Variants in CTNNA3 observed in about 807,000 individuals in gnomAD.
CTNNA3 encodes the protein catenin alpha-3.
A neutral mutation model predicts 95.7 loss-of-function variants in CTNNA3; 76 were observed. The observed-to-expected ratio is 0.79, with a 90% CI of 0.66 to 0.96. The LOEUF is 0.96. Ranked by LOEUF, CTNNA3 falls within the 40% of genes least tolerant of loss-of-function variation. CTNNA3 has a pLI of 0.00. For synonymous variants in CTNNA3, 431 were observed against 374.4 expected, an observed-to-expected ratio of 1.15 and a Z score of -1.74; for missense variants, 1,191 against 1,089.8, an observed-to-expected ratio of 1.09 and a Z score of -1.31.
At chr10:67,603,305 C>T (rs772280176) in intron 3 of CTNNA3, among the ~76,000 whole-genome samples, 49 of 152,298 alleles carry the variant, frequency 3.2e-4, no homozygotes, top group Non-Finnish European at 5.1e-4. Context: ...ACAACAGATG[C>T]GTACATGACG....
At chr10:67,292,594 C>T (rs1437065805) in intron 5 of CTNNA3, among the ~76,000 whole-genome samples, 2 of 152,098 alleles carry the variant, frequency 1.3e-5, no homozygotes, top group Non-Finnish European at 2.9e-5. Flanking sequence ...TAAACTCCTA[C>T]TTGGCTATTT....
chr10:66,244,401 T>C (rs1442257052), intron 13 of CTNNA3, among the ~76,000 whole-genome samples: 1 of 152,166 alleles, frequency 6.6e-6, no homozygotes, highest in African/African-American at 2.4e-5. Context: ...TGAGGGAACA[T>C]AGGCAGTAGC....
At chr10:67,749,101 A>G (rs1841388714) in intron 1 of CTNNA3, among the ~76,000 whole-genome samples, 1 of 152,242 alleles carries the variant, frequency 6.6e-6, no homozygotes, top group Non-Finnish European at 1.5e-5. Flanking sequence ...AGAAGAACTA[A>G]CAATTCTAAA....
intron 3 of CTNNA3, among the ~76,000 whole-genome samples, chr10:67,549,817 G>A (rs983025072): frequency 1.1e-4 from 17 of 152,024 alleles, no homozygotes; most frequent in African/African-American, 3.4e-4. Context: ...ATAACTTTTT[G>A]TTTATTGCTT....
chr10:65,964,908 T>G (rs2077924775), intron 17 of CTNNA3, among the ~76,000 whole-genome samples: 1 of 152,128 alleles, frequency 6.6e-6, no homozygotes, highest in South Asian at 2.1e-4. Context: ...GCTGTGTGTA[T>G]CTATATAAAT....
intron 5 of CTNNA3, among the ~76,000 whole-genome samples, chr10:67,470,355 G>A (rs1458049316): frequency 6.6e-6 from 1 of 152,100 alleles, no homozygotes. Flanking sequence ...TCTGTTGATG[G>A]ACACTTAGGC....
At chr10:66,226,884 CTAAT>C in intron 13 of CTNNA3, among the ~76,000 whole-genome samples, 1 of 151,990 alleles carries the variant, frequency 6.6e-6, no homozygotes, top group African/African-American at 2.4e-5. Context: ...TATAGAGAGA[CTAAT>C]TATTTTTGCT....
intron 13 of CTNNA3, among the ~76,000 whole-genome samples, chr10:66,190,249 G>A (rs529294466): frequency 3.3e-5 from 5 of 152,184 alleles, no homozygotes; most frequent in African/African-American, 1.2e-4. Flanking sequence ...AACCATAGAG[G>A]CAGGAATACA....
intron 17 of CTNNA3, among the ~76,000 whole-genome samples, chr10:65,938,761 CA>C: frequency 6.6e-6 from 1 of 152,138 alleles, no homozygotes; most frequent in East Asian, 2.0e-4. Context: ...TTCTCCTTAC[CA>C]ACGGTGTGTG....
intron 7 of CTNNA3, among the ~76,000 whole-genome samples, chr10:66,997,360 T>C (rs139797003): frequency 2.6e-5 from 4 of 152,232 alleles, no homozygotes; most frequent in Admixed American, 6.5e-5. Context: ...CTTTCTTGTT[T>C]GTAAAAATTA....
chr10:66,013,557 T>G (rs1283265697), intron 15 of CTNNA3, among the ~76,000 whole-genome samples: 1 of 152,208 alleles, frequency 6.6e-6, no homozygotes, highest in African/African-American at 2.4e-5. Flanking sequence ...TAACGCGCTT[T>G]TAACTGATAA....
intron 7 of CTNNA3, among the ~76,000 whole-genome samples, chr10:66,973,229 T>C (rs1307726157): frequency 1.3e-5 from 2 of 152,186 alleles, no homozygotes; most frequent in South Asian, 2.1e-4. Context: ...CAGTTTCCAA[T>C]TGAAATAAAA....
chr10:66,432,810 C>T (rs2093308228), intron 11 of CTNNA3, among the ~76,000 whole-genome samples: 1 of 152,152 alleles, frequency 6.6e-6, no homozygotes, highest in African/African-American at 2.4e-5. Context: ...CCCTTGCCCC[C>T]AACCCCCAAC....
intron 7 of CTNNA3, among the ~76,000 whole-genome samples, chr10:66,852,100 A>C (rs1341119905): frequency 6.6e-6 from 1 of 152,146 alleles, no homozygotes. Flanking sequence ...AAACTTACTC[A>C]TTTACATTTT....
intron 13 of CTNNA3, among the ~76,000 whole-genome samples, chr10:66,193,218 T>C (rs2131890302): frequency 6.6e-6 from 1 of 152,200 alleles, no homozygotes; most frequent in African/African-American, 2.4e-5. Flanking sequence ...ACAAACCAAG[T>C]ACAATTTCAA....
At chr10:67,726,501 A>AATATT (rs1554879529) in intron 1 of CTNNA3, among the ~76,000 whole-genome samples, 10 of 55,952 alleles carry the variant, frequency 1.8e-4, no homozygotes, top group African/African-American at 8.8e-4. Flanking sequence ...TACAATATAT[A>AATATT]ATATATTATA....
intron 7 of CTNNA3, among the ~76,000 whole-genome samples, chr10:67,078,630 C>T (rs545052942): frequency 6.6e-6 from 1 of 152,170 alleles, no homozygotes; most frequent in African/African-American, 2.4e-5. Context: ...AATTCTCCTG[C>T]CTCAGCCTCC....
chr10:67,749,656 T>TA (rs1202507458), intron 1 of CTNNA3, among the ~76,000 whole-genome samples: 3 of 152,168 alleles, frequency 2.0e-5, no homozygotes, highest in Admixed American at 6.5e-5. Flanking sequence ...GGGATGCAGC[T>TA]AAAGCAGTGT....
rs1414070940 is a variant in CTNNA3, at chr10:65,915,002, A to C, written c.*5328T>G. ...ATATATATCCTATAGGGTTATTTGG[A>C]GGATTGAATAAGATAATAGTTAGCA... is the stretch of plus-strand genomic sequence containing the variant. On this transcript the variant is annotated 3_prime_UTR_variant, in exon 18 of 18. Transcript: ENST00000433211. 1 of 152,032 alleles carries C rather than the reference A, an allele frequency of 6.6e-6. No individual in the cohort carries two copies. The highest frequency in any genetic ancestry group is 2.4e-5 in the African/African-American group (1 of 41,400). The allele number at this position is 152,032 out of a possible 1,614,324, so 9.4% of individuals were successfully genotyped here. A position where few individuals can be genotyped will look rare whatever the true frequency, so the allele number is the denominator to read the frequency against.
Sources: gnomAD v4.1 joint callset for allele counts (sites outside exome capture counted in the v4.1 genomes callset) on GRCh38, gnomAD v4.1.1 for gene constraint, MANE v1.5 for transcripts, NCBI Gene and HGNC (gene_info 2026-07-23, HGNC 2026-07-21) for gene names.